Variants in DSCAM observed in about 807,000 individuals in gnomAD.
The protein encoded by DSCAM is cell adhesion molecule DSCAM.
DSCAM carries 47 observed loss-of-function variants against 217.7 expected under a neutral mutation model. The ratio of observed to expected loss-of-function variants is 0.22; its 90% CI spans 0.17 to 0.28. The LOEUF (loss-of-function observed/expected upper bound fraction) is 0.28. Among genes scored for constraint, DSCAM ranks in the 10% least tolerant of loss-of-function variants. The probability of loss-of-function intolerance (pLI) is 1.00; values close to 1 mark genes in which losing one functional copy is unlikely to be tolerated. For synonymous variants in DSCAM, 1,056 were observed against 1,015.3 expected, an observed-to-expected ratio of 1.04 and a Z score of -0.76; for missense variants, 2,080 against 2,618.3, an observed-to-expected ratio of 0.79 and a Z score of 4.49.
Position 40,026,774 on chromosome 21 carries a change from G to T in DSCAM, c.5687-13388C>A, listed in dbSNP as rs567295926. Among the ~76,000 whole-genome samples the T allele has an allele frequency of 5.7e-5, 8 of 141,292 alleles. 1 individual carries two copies. The highest frequency in any genetic ancestry group is 1.8e-4 in the African/African-American group (7 of 37,884). The allele number at this position is 141,292 out of a possible 152,430, so 92.7% of individuals were successfully genotyped here. A position where few individuals can be genotyped will look rare whatever the true frequency, so the allele number is the denominator to read the frequency against. On this transcript the variant is annotated intron_variant, in intron 32 of 32. Transcript: ENST00000400454. The stretch of plus-strand genomic sequence containing the variant: ...TTTGAGCCTATGTGTGTCTCTGCAC[G>T]TGAGATGGGTCTCCTGAATACAGCA...
At chr21:40,830,992 C>G (rs547190286) in intron 1 of DSCAM, among the ~76,000 whole-genome samples, 1 of 152,176 alleles carries the variant, frequency 6.6e-6, no homozygotes, top group Non-Finnish European at 1.5e-5. Context: ...GCAATTGTCA[C>G]GACAGGGGAC....
chr21:40,268,604 G>A (rs912462550), intron 11 of DSCAM, among the ~76,000 whole-genome samples: 2 of 148,490 alleles, frequency 1.3e-5, no homozygotes, highest in African/African-American at 5.2e-5. Flanking sequence ...GAAGGATGAA[G>A]AGGAGGAGGA....
At chr21:40,474,280 G>T (rs1047980295) in intron 3 of DSCAM, among the ~76,000 whole-genome samples, 1 of 151,580 alleles carries the variant, frequency 6.6e-6, no homozygotes, top group African/African-American at 2.4e-5. Context: ...GTGACAGAGT[G>T]AGACTCCGTC....
intron 30 of DSCAM, among the ~76,000 whole-genome samples, chr21:40,046,586 T>A (rs77133941): frequency 1.3e-5 from 2 of 152,206 alleles, no homozygotes; most frequent in South Asian, 4.1e-4. Flanking sequence ...CCAGGCACTA[T>A]CGACTTGATA....
chr21:40,845,481 C>T (rs560055481), intron 1 of DSCAM, among the ~76,000 whole-genome samples: 58 of 151,828 alleles, frequency 3.8e-4, no homozygotes, highest in African/African-American at 1.3e-3. Context: ...CTTTGCTTCT[C>T]GTATTTTCTC....
At position 40,338,057 on chromosome 21, in the gene DSCAM, G is replaced by A. The variant is rs780424469; in HGVS notation, c.1783+44C>T. On this transcript the variant is annotated intron_variant, in intron 8 of 32. Transcript: ENST00000400454. ...AAATCATTGGTCTGGGAAGTAGTCGGGCTATGGAATGAGTTGTGTGGGAAC... is the reference window on the plus strand; with the variant it reads ...AAATCATTGGTCTGGGAAGTAGTCGAGCTATGGAATGAGTTGTGTGGGAAC... 6 of 1,599,764 alleles carry A rather than the reference G, an allele frequency of 3.8e-6. No individual in the cohort carries two copies. The South Asian group carries it at 5.6e-5, about 15-fold the overall frequency.
chr21:40,415,452 C>T (rs1323058997), intron 3 of DSCAM, among the ~76,000 whole-genome samples: 1 of 152,186 alleles, frequency 6.6e-6, no homozygotes, highest in Non-Finnish European at 1.5e-5. Flanking sequence ...ATGAGGTAGA[C>T]AAACTAATGA....
rs1209648217 is a variant in DSCAM, at chr21:40,214,735, CAAAAAA to C, written c.2357-25503_2357-25498del. ...AAAACGGACTTCAAAGCAACAACAGCAAAAAAAAAAAAAAAAACAAAACAAAAAACA... is the reference window on the plus strand; with the variant it reads ...AAAACGGACTTCAAAGCAACAACAGCAAAAAAAAAAACAAAACAAAAAACA... On this transcript the variant is annotated intron_variant, in intron 11 of 32. Transcript: ENST00000400454. Among the ~76,000 whole-genome samples, 170 of 67,910 alleles carry C rather than the reference CAAAAAA, an allele frequency of 2.5e-3. 2 individuals are homozygous for C. The highest frequency in any genetic ancestry group is 6.5e-3 in the African/African-American group (161 of 24,828). The allele number at this position is 67,910 out of a possible 152,430, so 44.6% of individuals were successfully genotyped here. A position where few individuals can be genotyped will look rare whatever the true frequency, so the allele number is the denominator to read the frequency against.
At chr21:40,276,350 C>G in intron 10 of DSCAM, 80 bp from the exon 11 acceptor site, 1 of 1,337,168 alleles carries the variant, frequency 7.5e-7, no homozygotes, top group Non-Finnish European at 1.0e-6. Context: ...TACACACAGA[C>G]TCATAAAGAG....
In DSCAM at chr21:40,017,451, T is replaced by A. The variant is rs569074269; in HGVS notation, c.5687-4065A>T. Among the ~76,000 whole-genome samples, 15 of 152,332 alleles carry A rather than the reference T, an allele frequency of 9.8e-5. No homozygotes were observed. The South Asian group carries it at 3.1e-3, about 32-fold the overall frequency. On this transcript the variant is annotated intron_variant, in intron 32 of 32. Transcript: ENST00000400454. ...ATTCACTAAATGACCCCAGCGACAC[T>A]GGACTGGGCTCACTGAAATTAAAGG... is the stretch of plus-strand genomic sequence containing the variant.
At chr21:40,771,314 C>T (rs2091443091) in intron 1 of DSCAM, among the ~76,000 whole-genome samples, 1 of 152,172 alleles carries the variant, frequency 6.6e-6, no homozygotes, top group African/African-American at 2.4e-5. Context: ...AGGCTGCTGT[C>T]ATAACGCAGT....
At chr21:40,339,044 C>T (rs2123590655) in intron 7 of DSCAM, 75 bp downstream of exon 7, 2 of 1,551,788 alleles carry the variant, frequency 1.3e-6, no homozygotes, top group East Asian at 2.3e-5. Context: ...AGACCCAGCT[C>T]GGTGCATGCA....
intron 3 of DSCAM, among the ~76,000 whole-genome samples, chr21:40,650,774 C>T (rs941952860): frequency 2.6e-5 from 4 of 152,084 alleles, no homozygotes; most frequent in Admixed American, 6.6e-5. Context: ...ATTAGCCAGG[C>T]GTGGTGGTGT....
At chr21:40,069,730 C>T (rs1457191417) in intron 27 of DSCAM, among the ~76,000 whole-genome samples, 2 of 152,168 alleles carry the variant, frequency 1.3e-5, no homozygotes, top group African/African-American at 2.4e-5. Context: ...CCTCAACAGT[C>T]CCTGCCTTTC....
chr21:40,514,667 G>GC (rs1476993340), intron 3 of DSCAM, among the ~76,000 whole-genome samples: 1 of 152,078 alleles, frequency 6.6e-6, no homozygotes, highest in Non-Finnish European at 1.5e-5. Flanking sequence ...TCTTTATGGG[G>GC]CATAATAGCA....
At chr21:40,396,750 C>T (rs139888241) in intron 3 of DSCAM, among the ~76,000 whole-genome samples, 230 of 152,296 alleles carry the variant, frequency 1.5e-3, no homozygotes, top group African/African-American at 5.0e-3. Context: ...ACCACAGCTA[C>T]TACAACTGAT....
At chr21:40,477,736 T>C (rs2075949398) in intron 3 of DSCAM, among the ~76,000 whole-genome samples, 1 of 152,242 alleles carries the variant, frequency 6.6e-6, no homozygotes, top group African/African-American at 2.4e-5. Context: ...ATGATATATT[T>C]AATCTAAAAT....
At chr21:40,349,713 T>TCAAAA (rs1296021207) in intron 5 of DSCAM, among the ~76,000 whole-genome samples, 11 of 152,130 alleles carry the variant, frequency 7.2e-5, no homozygotes, top group African/African-American at 2.7e-4. Flanking sequence ...AAATGGCAAA[T>TCAAAA]CAAAACAAAA....
intron 3 of DSCAM, among the ~76,000 whole-genome samples, chr21:40,640,124 C>T (rs775366261): frequency 8.4e-6 from 1 of 119,294 alleles, no homozygotes; most frequent in Non-Finnish European, 1.9e-5. Context: ...AGAAAACCCA[C>T]CTCAAAGCAG....
Sources: allele counts gnomAD v4.1 joint callset (sites outside exome capture counted in the v4.1 genomes callset), GRCh38; gene constraint gnomAD v4.1.1; transcripts MANE v1.5; gene names NCBI Gene and HGNC (gene_info 2026-07-23, HGNC 2026-07-21).